Variants in GLIS3 observed in about 807,000 individuals in gnomAD.
GLIS3 encodes the protein zinc finger protein GLIS3.
GLIS3 carries 53 observed loss-of-function variants against 78.6 expected under a neutral mutation model. The ratio of observed to expected loss-of-function variants is 0.67; its 90% CI spans 0.54 to 0.85. GLIS3 has a LOEUF of 0.85. GLIS3 is among the 40% of genes least tolerant of loss of function. GLIS3 has a pLI of 0.00. For missense variants in GLIS3, 1,703 were observed against 1,231.1 expected (o/e 1.38, Z -5.74); for synonymous variants, 684 against 509.9 (o/e 1.34, Z -4.60).
At chr9:4,129,695 T>G (rs1294143722) in intron 2 of GLIS3, among the ~76,000 whole-genome samples, 1 of 152,206 alleles carries the variant, frequency 6.6e-6, no homozygotes, top group African/African-American at 2.4e-5. Context: ...AAATCACTTT[T>G]CTTTATAAAT....
intron 2 of GLIS3, among the ~76,000 whole-genome samples, chr9:4,208,358 G>T (rs1218301613): frequency 6.6e-6 from 1 of 152,222 alleles, no homozygotes; most frequent in Non-Finnish European, 1.5e-5. Context: ...CTGATCTTCA[G>T]TGGGCACATC....
chr9:4,471,387 G>T, the GLIS3 span, among the ~76,000 whole-genome samples: 3 of 152,154 alleles, frequency 2.0e-5, no homozygotes, highest in East Asian at 5.8e-4. Flanking sequence ...AAAACAGCAT[G>T]GTACTGGTAC....
chr9:4,332,197 C>T (rs7851175), intron 2 of GLIS3, among the ~76,000 whole-genome samples: 12,711 of 152,040 alleles, frequency 0.084, 1,111 homozygotes, highest in East Asian at 0.22. Context: ...AAGAAAATAC[C>T]CCAATCCAAC....
chr9:4,123,134 C>T (rs1333258120), intron 3 of GLIS3, among the ~76,000 whole-genome samples: 1 of 152,096 alleles, frequency 6.6e-6, no homozygotes, highest in Non-Finnish European at 1.5e-5. Context: ...GCCAATAAAT[C>T]TATGAAACTT....
rs117262198 is a variant in GLIS3 at position 4,136,047 on chromosome 9, T to G, written c.389-10106A>C. Among the ~76,000 whole-genome samples the G allele has an allele frequency of 5.8e-3, 889 of 152,300 alleles. 9 individuals are homozygous for G. Among genetic ancestry groups the G allele is most frequent in the East Asian group, 0.041 (212 of 5,184 alleles). ...GCTACGAACACCAAAGGATGACAAT[T>G]AGAATGAAATAACCGGCTCCTATAT... On this transcript the variant is annotated intron_variant, in intron 2 of 10. Coordinates refer to ENST00000381971, the MANE Select transcript of GLIS3 (RefSeq NM_001042413.2).
At chr9:4,280,879 A>C (rs1051222468) in intron 2 of GLIS3, among the ~76,000 whole-genome samples, 1 of 152,148 alleles carries the variant, frequency 6.6e-6, no homozygotes, top group African/African-American at 2.4e-5. Flanking sequence ...CACTAGCAGC[A>C]AGCACCTACT....
intron 2 of GLIS3, among the ~76,000 whole-genome samples, chr9:4,332,338 C>T (rs1293360802): frequency 6.6e-6 from 1 of 152,216 alleles, no homozygotes; most frequent in Non-Finnish European, 1.5e-5. Context: ...TACCCACTAT[C>T]ACCTTCTTCC....
chr9:4,078,592 A>G (rs190922429), intron 4 of GLIS3, among the ~76,000 whole-genome samples: 6 of 152,360 alleles, frequency 3.9e-5, no homozygotes, highest in Admixed American at 3.3e-4. Flanking sequence ...CGCAAAAGGA[A>G]GCCAAGAGAT....
At chr9:3,922,420 G>A (rs369700942) in intron 6 of GLIS3, among the ~76,000 whole-genome samples, 24 of 152,262 alleles carry the variant, frequency 1.6e-4, no homozygotes, top group South Asian at 6.2e-4. Flanking sequence ...ACAATCAATG[G>A]TGTCTTGGTT....
At chr9:3,853,617 G>GCCC (rs998589529) in intron 9 of GLIS3, among the ~76,000 whole-genome samples, 1 of 152,144 alleles carries the variant, frequency 6.6e-6, no homozygotes, top group East Asian at 1.9e-4. Flanking sequence ...TAGATGAAAT[G>GCCC]CCCCCCACTT....
At chr9:4,193,808 C>G (rs1818550586) in intron 2 of GLIS3, among the ~76,000 whole-genome samples, 1 of 152,188 alleles carries the variant, frequency 6.6e-6, no homozygotes, top group East Asian at 1.9e-4. Context: ...TGCACCGAAC[C>G]TCCATTCATT....
At position 4,098,660 on chromosome 9, in the gene GLIS3, T is replaced by C. The variant is rs192976153; in HGVS notation, c.1710+19108A>G. On this transcript the variant is annotated intron_variant, in intron 4 of 10. Coordinates refer to ENST00000381971, the MANE Select transcript of GLIS3 (RefSeq NM_001042413.2). Reference sequence around the variant, plus strand: ...CGTAATCTCAAATTTATTGAAATATTCTGCCTCATCCTTTGCCGTAATATC... The same window carrying C: ...CGTAATCTCAAATTTATTGAAATATCCTGCCTCATCCTTTGCCGTAATATC... Among the ~76,000 whole-genome samples the C allele has an allele frequency of 4.6e-5, 7 of 152,352 alleles. No individual in the cohort carries two copies. The East Asian group carries it at 1.2e-3, about 25-fold the overall frequency.
intron 4 of GLIS3, among the ~76,000 whole-genome samples, chr9:4,095,929 G>C (rs1440813176): frequency 6.9e-6 from 1 of 145,420 alleles, no homozygotes; most frequent in Non-Finnish European, 1.5e-5. Flanking sequence ...ACAGAGCAAG[G>C]AATCAAACCT....
the GLIS3 span, among the ~76,000 whole-genome samples, chr9:4,376,244 C>T: frequency 6.6e-6 from 1 of 152,114 alleles, no homozygotes; most frequent in African/African-American, 2.4e-5. Flanking sequence ...AGGAAGGAAA[C>T]AGGTTGGTGG....
intron 4 of GLIS3, among the ~76,000 whole-genome samples, chr9:4,027,825 G>A (rs371421554): frequency 3.9e-5 from 6 of 152,116 alleles, no homozygotes; most frequent in Admixed American, 2.0e-4. Context: ...AGACAGCCCC[G>A]GCGGAACCCT....
intron 2 of GLIS3, among the ~76,000 whole-genome samples, chr9:4,256,986 A>G (rs971286331): frequency 2.6e-5 from 4 of 152,220 alleles, no homozygotes; most frequent in Non-Finnish European, 5.9e-5. Context: ...AAGTTGTGGT[A>G]TACATACATA....
chr9:4,382,091 T>C, the GLIS3 span, among the ~76,000 whole-genome samples: 1,005 of 152,326 alleles, frequency 6.6e-3, 6 homozygotes, highest in African/African-American at 0.023. Flanking sequence ...TTTTCCCTTT[T>C]TGCTTCTTTA....
At chr9:4,294,779 A>G (rs1816335566) in intron 1 of GLIS3, among the ~76,000 whole-genome samples, 1 of 152,158 alleles carries the variant, frequency 6.6e-6, no homozygotes, top group African/African-American at 2.4e-5. Context: ...ACACCTATAT[A>G]TATTTTTCAC....
chr9:4,180,242 T>C (rs1047606538), intron 2 of GLIS3, among the ~76,000 whole-genome samples: 4 of 152,060 alleles, frequency 2.6e-5, no homozygotes, highest in Non-Finnish European at 5.9e-5. Context: ...TGGGACAGTT[T>C]CCCACCGGCA....
Sources: allele counts gnomAD v4.1 joint callset (sites outside exome capture counted in the v4.1 genomes callset), GRCh38; gene constraint gnomAD v4.1.1; transcripts MANE v1.5; gene names NCBI Gene and HGNC (gene_info 2026-07-23, HGNC 2026-07-21).